The following AK8 variants were observed in gnomAD, a reference collection of about 807,000 sequenced individuals.
The protein encoded by AK8 is adenylate kinase 8.
A neutral mutation model predicts 54.6 loss-of-function variants in AK8; 44 were observed. The observed-to-expected ratio is 0.81, with a 90% CI of 0.63 to 1.04. The LOEUF (loss-of-function observed/expected upper bound fraction) is 1.04, where lower values mean the gene tolerates loss of function less well. Among genes scored for constraint, AK8 ranks in the 50% least tolerant of loss-of-function variants. The pLI is 0.00. For synonymous variants in AK8, 239 were observed against 245.6 expected (o/e 0.97, Z 0.25); for missense variants, 555 against 613.6 (o/e 0.90, Z 1.01).
intron 5 of AK8, among the ~76,000 whole-genome samples, chr9:132,852,261 G>A (rs913372326): frequency 2.0e-5 from 3 of 152,132 alleles, no homozygotes; most frequent in Non-Finnish European, 4.4e-5. Flanking sequence ...ATTACTTGAA[G>A]TCAGGAATTC....
chr9:132,765,079 G>A (rs141041168), intron 11 of AK8, among the ~76,000 whole-genome samples: 3,142 of 152,164 alleles, frequency 0.021, 114 homozygotes, highest in African/African-American at 0.072. Context: ...GATTGCCTGA[G>A]TTCAGGAGTT....
At position 132,872,638 on chromosome 9, in the gene AK8, A is replaced by AT. The variant is rs34579665; in HGVS notation, c.169+2476dup. 2.7e-3 allele frequency among the ~76,000 whole-genome samples: 392 copies of AT among 146,124 alleles called. 3 individuals carry two copies. The highest frequency in any genetic ancestry group is 8.1e-3 in the African/African-American group (317 of 39,120). ...ACCACCACACCCAGCTTTCAAGCAC[A>AT]TTTTTTTTTTTTTGAGATAGGGTCT... is the stretch of plus-strand genomic sequence containing the variant. On this transcript the variant is annotated intron_variant, in intron 2 of 12. Transcript: ENST00000298545.
At chr9:132,869,116 G>T (rs1440410930) in intron 2 of AK8, among the ~76,000 whole-genome samples, 1 of 152,162 alleles carries the variant, frequency 6.6e-6, no homozygotes, top group African/African-American at 2.4e-5. Flanking sequence ...GGAGGTGGAG[G>T]TTGCAGTGAG....
chr9:132,806,930 T>C (rs1039063586), intron 10 of AK8, among the ~76,000 whole-genome samples: 8 of 152,176 alleles, frequency 5.3e-5, no homozygotes, highest in Non-Finnish European at 8.8e-5. Context: ...TCGGGTTCTA[T>C]TAGGCCATGA....
At chr9:132,754,798 TGG>T (rs1491292613) in intron 11 of AK8, among the ~76,000 whole-genome samples, 8 of 149,684 alleles carry the variant, frequency 5.3e-5, no homozygotes, top group African/African-American at 1.5e-4. Context: ...TTTTGTTTTT[TGG>T]TTTTTTTTTT....
At chr9:132,815,062 G>A (rs1179520678) in intron 9 of AK8, among the ~76,000 whole-genome samples, 2 of 152,222 alleles carry the variant, frequency 1.3e-5, no homozygotes, top group African/African-American at 2.4e-5. Flanking sequence ...CGCAGAACTC[G>A]GCGCCCTCCA....
chr9:132,827,074 C>T lies in AK8; in HGVS notation c.557-20G>A, dbSNP rs771309206. 1 of 1,612,150 alleles carries T rather than the reference C, an allele frequency of 6.2e-7. No homozygotes were observed. Among genetic ancestry groups the T allele is most frequent in the East Asian group, 2.2e-5 (1 of 44,858 alleles). ...AAATCTCTACAAGGAGAGAGGTGCA[C>T]AGTTAGAAATGGCCATGCAGGGGCC... is the stretch of plus-strand genomic sequence containing the variant. On this transcript the variant is annotated intron_variant, in intron 7 of 12. Transcript: ENST00000298545.
chr9:132,735,645 T>A (rs1013883555), intron 11 of AK8, among the ~76,000 whole-genome samples: 3 of 152,154 alleles, frequency 2.0e-5, no homozygotes, highest in Non-Finnish European at 4.4e-5. Context: ...ATGGTGCACC[T>A]CCTGTGGAAA....
chr9:132,853,084 C>T (rs930826125), intron 5 of AK8, among the ~76,000 whole-genome samples: 4 of 151,808 alleles, frequency 2.6e-5, no homozygotes, highest in Admixed American at 1.3e-4. Flanking sequence ...AGGCCGGGCA[C>T]GGTAGCTCAC....
chr9:132,755,496 G>C (rs1838144916), intron 11 of AK8, among the ~76,000 whole-genome samples: 1 of 152,242 alleles, frequency 6.6e-6, no homozygotes, highest in African/African-American at 2.4e-5. Flanking sequence ...TCCTGGGAGA[G>C]GGACCATGGA....
At position 132,870,610 on chromosome 9, in the gene AK8, C is replaced by T. The variant is rs574534167; in HGVS notation, c.170-3657G>A. On this transcript the variant is annotated intron_variant, in intron 2 of 12. Transcript: ENST00000298545. ...CTTTGTACTAAATCTGCCTTTCTGGCGGCGAAGGGGCTGCCAGCCCAAGTG... is the reference window on the plus strand; with the variant it reads ...CTTTGTACTAAATCTGCCTTTCTGGTGGCGAAGGGGCTGCCAGCCCAAGTG... Among the ~76,000 whole-genome samples, 6 of 152,366 alleles carry T rather than the reference C, an allele frequency of 3.9e-5. No individual in the cohort carries two copies. The East Asian group carries it at 9.6e-4, about 24-fold the overall frequency.
At chr9:132,842,103 A>T (rs1842567191) in intron 5 of AK8, among the ~76,000 whole-genome samples, 1 of 152,230 alleles carries the variant, frequency 6.6e-6, no homozygotes, top group African/African-American at 2.4e-5. Context: ...AAACAAAGCT[A>T]GCACACTGGC....
chr9:132,869,774 T>C (rs945962350), intron 2 of AK8, among the ~76,000 whole-genome samples: 2 of 152,046 alleles, frequency 1.3e-5, no homozygotes, highest in Non-Finnish European at 2.9e-5. Flanking sequence ...CGAGGTGAGA[T>C]GGGAGCCAGA....
rs531479462 is a variant in AK8, at chr9:132,733,282, C to A, written c.1122-5748G>T. 1.4e-3 allele frequency among the ~76,000 whole-genome samples: 211 copies of A among 152,060 alleles called. 1 individual carries two copies. The highest frequency in any genetic ancestry group is 4.8e-3 in the African/African-American group (199 of 41,476). On this transcript the variant is annotated intron_variant, in intron 11 of 12. Transcript: ENST00000298545. ...AACACAGGGAGTGCAGGTGTCGCAG[C>A]GGCTTTCATCCCTGACGCTGTGAAC...
intron 11 of AK8, among the ~76,000 whole-genome samples, chr9:132,782,246 AAC>A (rs145825959): frequency 0.02 from 2,993 of 152,104 alleles, 96 homozygotes; most frequent in African/African-American, 0.065. Context: ...CGGTAAGTAA[AAC>A]AGTCATTTTT....
chr9:132,750,263 C>A (rs1007237950), intron 11 of AK8, among the ~76,000 whole-genome samples: 1 of 151,924 alleles, frequency 6.6e-6, no homozygotes, highest in Non-Finnish European at 1.5e-5. Context: ...GGATTACAGG[C>A]ATGTGCCACC....
intron 11 of AK8, among the ~76,000 whole-genome samples, chr9:132,780,934 C>T (rs1384118313): frequency 2.0e-5 from 3 of 152,162 alleles, no homozygotes; most frequent in African/African-American, 7.2e-5. Flanking sequence ...TTGCCCTGCC[C>T]CCTCCCTCCT....
At chr9:132,794,158 C>T (rs1344908580) in intron 10 of AK8, among the ~76,000 whole-genome samples, 2 of 152,202 alleles carry the variant, frequency 1.3e-5, no homozygotes, top group African/African-American at 4.8e-5. Context: ...AGCCTTTCTT[C>T]CCCAGTCCCT....
intron 11 of AK8, among the ~76,000 whole-genome samples, chr9:132,758,199 C>G (rs1276388265): frequency 6.6e-6 from 1 of 152,236 alleles, no homozygotes; most frequent in Non-Finnish European, 1.5e-5. Flanking sequence ...CTACAGTTCC[C>G]TTCCAGGCTT....
Sources: gnomAD v4.1 joint callset for allele counts (sites outside exome capture counted in the v4.1 genomes callset) on GRCh38, gnomAD v4.1.1 for gene constraint, MANE v1.5 for transcripts, NCBI Gene and HGNC (gene_info 2026-07-23, HGNC 2026-07-21) for gene names.